The following EHBP1 variants were observed in gnomAD, a reference collection of about 807,000 sequenced individuals.
The protein encoded by EHBP1 is EH domain binding protein 1.
EHBP1 carries 55 observed loss-of-function variants against 144.0 expected under a neutral mutation model. The observed-to-expected ratio is 0.38, with a 90% CI of 0.31 to 0.48. The LOEUF (loss-of-function observed/expected upper bound fraction) is 0.48, where lower values mean the gene tolerates loss of function less well. Ranked by LOEUF, EHBP1 falls within the 20% of genes least tolerant of loss-of-function variation. The probability of loss-of-function intolerance (pLI) is 0.98; values close to 1 mark genes in which losing one functional copy is unlikely to be tolerated. For synonymous variants in EHBP1, 469 were observed against 472.7 expected (o/e 0.99, Z 0.10); for missense variants, 1,200 against 1,364.2 (o/e 0.88, Z 1.90).
chr2:62,885,767 G>A (rs979164240), intron 10 of EHBP1, among the ~76,000 whole-genome samples: 2 of 152,060 alleles, frequency 1.3e-5, no homozygotes, highest in East Asian at 1.9e-4. Context: ...GAGCCCCACC[G>A]TACATTCCAT....
chr2:62,676,821 C>T (rs2033313684), intron 1 of EHBP1, among the ~76,000 whole-genome samples: 1 of 152,058 alleles, frequency 6.6e-6, no homozygotes, highest in South Asian at 2.1e-4. Context: ...CTACAGCAAT[C>T]GTTGTTTTTC....
intron 5 of EHBP1, among the ~76,000 whole-genome samples, chr2:62,808,797 G>A (rs1160009421): frequency 6.6e-6 from 1 of 152,128 alleles, no homozygotes; most frequent in Non-Finnish European, 1.5e-5. Flanking sequence ...CTATGATTAG[G>A]TTTCAGTCTT....
rs376798765 is a variant in EHBP1, at chr2:62,878,457, G to A, written c.1185+3925G>A. 2.2e-4 allele frequency among the ~76,000 whole-genome samples: 33 copies of A among 152,196 alleles called. 1 individual carries two copies. Among genetic ancestry groups the A allele is most frequent in the African/African-American group, 7.2e-4 (30 of 41,530 alleles). On this transcript the variant is annotated intron_variant, in intron 10 of 22. Coordinates refer to ENST00000431489, the MANE Select transcript of EHBP1 (RefSeq NM_001142616.3). ...ATAAGATGAGGGACTCCTCTCTAACGCATTCTGTGAGACCAACATCCTTCT... is the reference window on the plus strand; with the variant it reads ...ATAAGATGAGGGACTCCTCTCTAACACATTCTGTGAGACCAACATCCTTCT...
At chr2:62,742,593 T>A (rs1488318337) in intron 2 of EHBP1, among the ~76,000 whole-genome samples, 1 of 152,074 alleles carries the variant, frequency 6.6e-6, no homozygotes, top group African/African-American at 2.4e-5. Flanking sequence ...GAATGTCATA[T>A]TGACTTTGAA....
intron 10 of EHBP1, among the ~76,000 whole-genome samples, chr2:62,926,411 G>A (rs750885558): frequency 6.6e-6 from 1 of 152,036 alleles, no homozygotes; most frequent in Non-Finnish European, 1.5e-5. Context: ...CAGAATGGAA[G>A]AAAATATTTG....
At chr2:62,719,246 A>G (rs1004500621) in intron 2 of EHBP1, among the ~76,000 whole-genome samples, 1 of 152,182 alleles carries the variant, frequency 6.6e-6, no homozygotes, top group Non-Finnish European at 1.5e-5. Context: ...GATTGCAGGC[A>G]TGAGCCACTG....
intron 7 of EHBP1, among the ~76,000 whole-genome samples, chr2:62,850,276 G>A (rs754184407): frequency 1.9e-4 from 29 of 152,138 alleles, no homozygotes; most frequent in Admixed American, 3.9e-4. Flanking sequence ...TGCAAGATTT[G>A]CAGGTATATT....
At chr2:63,034,595 C>G (rs1358419079) in intron 19 of EHBP1, among the ~76,000 whole-genome samples, 1 of 151,906 alleles carries the variant, frequency 6.6e-6, no homozygotes, top group Non-Finnish European at 1.5e-5. Flanking sequence ...GCCTTTTTTT[C>G]TAGCAGTGCC....
At chr2:62,745,025 G>T (rs967377667) in intron 2 of EHBP1, among the ~76,000 whole-genome samples, 2 of 152,094 alleles carry the variant, frequency 1.3e-5, no homozygotes, top group African/African-American at 4.8e-5. Context: ...TTATTTTAAT[G>T]TGCAGCAAGA....
At chr2:62,809,031 G>T (rs1198970187) in intron 5 of EHBP1, among the ~76,000 whole-genome samples, 1 of 152,020 alleles carries the variant, frequency 6.6e-6, no homozygotes, top group Non-Finnish European at 1.5e-5. Flanking sequence ...AGTGGCTCAG[G>T]CCTGTAATCC....
intron 5 of EHBP1, among the ~76,000 whole-genome samples, chr2:62,795,727 AC>A (rs1310166498): frequency 1.3e-5 from 2 of 152,120 alleles, no homozygotes; most frequent in African/African-American, 4.8e-5. Context: ...TTAAAAATAT[AC>A]AAAATGCATT....
At chr2:62,781,258 T>TA (rs1305105000) in intron 5 of EHBP1, among the ~76,000 whole-genome samples, 1 of 152,156 alleles carries the variant, frequency 6.6e-6, no homozygotes, top group Admixed American at 6.5e-5. Context: ...CCCTAAAAAG[T>TA]AAAGTTTTTA....
intron 9 of EHBP1, chr2:62,872,109 G>A (rs867407142): frequency 6.6e-6 from 1 of 152,106 alleles, no homozygotes. Flanking sequence ...GAGAGGAAGA[G>A]ACTATTCCTT....
At chr2:62,925,296 AAG>A (rs2153020896) in intron 10 of EHBP1, among the ~76,000 whole-genome samples, 1 of 152,240 alleles carries the variant, frequency 6.6e-6, no homozygotes, top group African/African-American at 2.4e-5. Flanking sequence ...GGAACAAGAC[AAG>A]AGTGTCTACT....
intron 19 of EHBP1, among the ~76,000 whole-genome samples, chr2:63,036,311 A>G (rs1330717016): frequency 6.6e-6 from 1 of 152,054 alleles, no homozygotes; most frequent in African/African-American, 2.4e-5. Context: ...TGAAAGAAAC[A>G]TGTATGTGTC....
chr2:62,889,129 T>C (rs1182549376), intron 10 of EHBP1, among the ~76,000 whole-genome samples: 1 of 126,136 alleles, frequency 7.9e-6, no homozygotes, highest in Non-Finnish European at 1.6e-5. Flanking sequence ...AGTGGGGCAA[T>C]CTCAGCTCAC....
chr2:62,938,057 TGAAG>T (rs1190879171), intron 10 of EHBP1, among the ~76,000 whole-genome samples: 1 of 152,010 alleles, frequency 6.6e-6, no homozygotes, highest in African/African-American at 2.4e-5. Flanking sequence ...AGATGATACA[TGAAG>T]GAAGAATTCA....
intron 5 of EHBP1, among the ~76,000 whole-genome samples, chr2:62,815,869 G>C (rs1285571102): frequency 1.3e-5 from 2 of 152,164 alleles, no homozygotes; most frequent in African/African-American, 4.8e-5. Flanking sequence ...GCATAATTCA[G>C]AGAATCAATA....
chr2:62,972,291 T>C (rs1238429338), intron 14 of EHBP1, among the ~76,000 whole-genome samples: 1 of 152,206 alleles, frequency 6.6e-6, no homozygotes, highest in Non-Finnish European at 1.5e-5. Flanking sequence ...CTGAACGCTA[T>C]ACAGAAATAA....
Sources: allele counts gnomAD v4.1 joint callset (sites outside exome capture counted in the v4.1 genomes callset), GRCh38; gene constraint gnomAD v4.1.1; transcripts MANE v1.5; gene names NCBI Gene and HGNC (gene_info 2026-07-23, HGNC 2026-07-21).